Variants in CACNA1C observed in about 807,000 individuals in gnomAD.
The protein encoded by CACNA1C is calcium voltage-gated channel subunit alpha1 C, also known as voltage-dependent L-type calcium channel subunit alpha-1C.
CACNA1C carries 30 observed loss-of-function variants against 229.0 expected under a neutral mutation model. That is an observed-to-expected ratio of 0.13 (90% CI 0.10 to 0.18). The LOEUF (loss-of-function observed/expected upper bound fraction) is 0.18, where lower values mean the gene tolerates loss of function less well. Among genes scored for constraint, CACNA1C ranks in the 10% least tolerant of loss-of-function variants. The pLI is 1.00. For synonymous variants in CACNA1C, 1,114 were observed against 1,132.5 expected, an observed-to-expected ratio of 0.98 and a Z score of 0.33; for missense variants, 1,658 against 2,845.0, an observed-to-expected ratio of 0.58 and a Z score of 9.49.
Position 2,602,017 on chromosome 12 carries a change from G to A in CACNA1C, c.2960+57G>A. ...CATGCAGCTAGCAAGGGGTGCCAGA[G>A]AGGACAACCAGACCCTGGAGGGCCT... On this transcript the variant is annotated intron_variant, in intron 22 of 46. Coordinates refer to ENST00000399655, the MANE Select transcript of CACNA1C (RefSeq NM_000719.7). This position sits in a 1 kb window ranked among gnomAD's most constrained non-coding sequence, Gnocchi z 4.4. The A allele has an allele frequency of 8.4e-7, 1 of 1,190,790 alleles. No individual in the cohort carries two copies. Among genetic ancestry groups the A allele is most frequent in the Non-Finnish European group, 1.3e-6 (1 of 794,950 alleles). 73.8% of individuals were successfully genotyped at this position (1,190,790 alleles called of 1,614,324 possible). A position where few individuals can be genotyped will look rare whatever the true frequency, so the allele number is the denominator to read the frequency against.
intron 26 of CACNA1C, among the ~76,000 whole-genome samples, chr12:2,607,634 C>T (rs949557211): frequency 7.2e-5 from 11 of 152,356 alleles, no homozygotes; most frequent in Admixed American, 7.2e-4. Context: ...AAGCCCGGGC[C>T]CCACTTCCTC....
rs2047913114 is a variant in CACNA1C, at chr12:2,029,684, G to A, written c.139+58483G>A. On this transcript the variant is annotated intron_variant, in intron 1 of 46. Coordinates refer to the CACNA1C transcript ENST00000682462. This position sits in a 1 kb window ranked among gnomAD's most constrained non-coding sequence, Gnocchi z 4.9. ...TGTCTCTCACCACTCCCGAAGTGAG[G>A]CTAACTGACTGTGACACAGTTTTCT... is the stretch of plus-strand genomic sequence containing the variant. Among the ~76,000 whole-genome samples the A allele has an allele frequency of 6.6e-6, 1 of 152,192 alleles. No individual in the cohort carries two copies. The highest frequency in any genetic ancestry group is 1.5e-5 in the Non-Finnish European group (1 of 68,038).
At chr12:2,455,971 CT>C (rs1323088711) in intron 4 of CACNA1C, among the ~76,000 whole-genome samples, 6 of 152,186 alleles carry the variant, frequency 3.9e-5, no homozygotes, top group Non-Finnish European at 8.8e-5. Context: ...TAAATATGAA[CT>C]ATACAACTGC....
intron 34 of CACNA1C, among the ~76,000 whole-genome samples, chr12:2,658,714 A>G (rs745563442): frequency 4.6e-5 from 7 of 152,298 alleles, no homozygotes; most frequent in Non-Finnish European, 7.3e-5. Flanking sequence ...AGGAGATGAC[A>G]GCTCCATGCA....
chr12:2,322,717 C>T (rs1370343727), intron 3 of CACNA1C, among the ~76,000 whole-genome samples: 5 of 152,216 alleles, frequency 3.3e-5, no homozygotes, highest in Admixed American at 1.3e-4. Context: ...CCGCGTTGCA[C>T]GGCAGTTATG....
At position 2,215,409 on chromosome 12, in the gene CACNA1C, C is replaced by A. The variant is rs1487530286; in HGVS notation, c.477+94979C>A. 6.6e-6 allele frequency among the ~76,000 whole-genome samples: 1 copy of A among 151,994 alleles called. No individual in the cohort carries two copies. The highest frequency in any genetic ancestry group is 2.4e-5 in the African/African-American group (1 of 41,366). On this transcript the variant is annotated intron_variant, in intron 3 of 46. Transcript: ENST00000399655. The surrounding 1 kb of genome is among the most constrained non-coding windows in gnomAD (Gnocchi z 5.0). Reference sequence around the variant, plus strand: ...GCAGGGCCCAGCATGCCTGTGAGGGCAAAAGGGTTCTGAGTGGGGCCTGTT... The same window carrying A: ...GCAGGGCCCAGCATGCCTGTGAGGGAAAAAGGGTTCTGAGTGGGGCCTGTT...
chr12:2,016,239 A>C (rs188959559), intron 1 of CACNA1C, among the ~76,000 whole-genome samples: 29 of 152,296 alleles, frequency 1.9e-4, no homozygotes, highest in African/African-American at 6.7e-4. Context: ...ATTAGGTGCC[A>C]AGTACTTATC....
chr12:2,553,612 C>T (rs551141634), intron 10 of CACNA1C, among the ~76,000 whole-genome samples: 1 of 152,344 alleles, frequency 6.6e-6, no homozygotes, highest in Non-Finnish European at 1.5e-5. Flanking sequence ...GACTCTGAAG[C>T]CTGAGAGCAC....
chr12:2,104,071 G>A (rs1256448801), intron 1 of CACNA1C, among the ~76,000 whole-genome samples: 1 of 152,096 alleles, frequency 6.6e-6, no homozygotes, highest in Non-Finnish European at 1.5e-5. Flanking sequence ...CTCTTTTTTG[G>A]TTCCATATGA....
intron 1 of CACNA1C, chr12:2,004,189 C>T (rs1355116670): frequency 6.5e-7 from 1 of 1,549,618 alleles, no homozygotes; most frequent in South Asian, 1.2e-5. Context: ...GTCAACGTCT[C>T]CTCCCCCTCA....
intron 39 of CACNA1C, among the ~76,000 whole-genome samples, chr12:2,675,494 T>C (rs1280189096): frequency 1.3e-5 from 2 of 152,174 alleles, no homozygotes; most frequent in Admixed American, 1.3e-4. Context: ...TACTTACACA[T>C]ATGCAGAACA....
In CACNA1C at chr12:2,504,832, G is replaced by A. The variant is rs371725005; in HGVS notation, c.1114-10G>A. On this transcript the variant is annotated splice_polypyrimidine_tract_variant and intron_variant, in intron 7 of 46. Transcript: ENST00000399655. This position sits in a 1 kb window ranked among gnomAD's most constrained non-coding sequence, Gnocchi z 6.8. ...AGTGTGCCTCACTAACTATCATTCC[G>A]TTCTTCCAGGTCAATGATGCCGTAG... The A allele has an allele frequency of 6.1e-5, 91 of 1,493,694 alleles. No individual in the cohort carries two copies. The highest frequency in any genetic ancestry group is 1.4e-4 in the South Asian group (12 of 88,248). The allele number at this position is 1,493,694 out of a possible 1,614,324, so 92.5% of individuals were successfully genotyped here.
Position 2,665,778 on chromosome 12 carries a change from G to T in CACNA1C, c.4526+70G>T. 6.7e-7 allele frequency: 1 copy of T among 1,503,038 alleles called. No individual in the cohort carries two copies. The highest frequency in any genetic ancestry group is 2.4e-5 in the East Asian group (1 of 41,884). The allele number at this position is 1,503,038 out of a possible 1,614,324, so 93.1% of individuals were successfully genotyped here. A position where few individuals can be genotyped will look rare whatever the true frequency, so the allele number is the denominator to read the frequency against. On this transcript the variant is annotated intron_variant, in intron 36 of 46. Transcript: ENST00000399655. This position sits in a 1 kb window ranked among gnomAD's most constrained non-coding sequence, Gnocchi z 5.9. ...GTATAGCTGACCATACCTGCAGGAG[G>T]GGCTCAAGGTTGGCCAACACTGGGT...
intron 3 of CACNA1C, among the ~76,000 whole-genome samples, chr12:2,259,929 G>A (rs1310566542): frequency 3.9e-5 from 6 of 152,042 alleles, no homozygotes; most frequent in African/African-American, 1.4e-4. Context: ...GAAAGCACTA[G>A]TAATAGCTTT....
chr12:2,176,251 C>T (rs1021883139), intron 3 of CACNA1C, among the ~76,000 whole-genome samples: 3 of 151,898 alleles, frequency 2.0e-5, no homozygotes, highest in South Asian at 2.1e-4. Flanking sequence ...GGCTGGAGTG[C>T]GTGAGGTAGG....
Position 1,971,155 on chromosome 12 carries a change from T to C in CACNA1C, c.93T>C (p.Thr31=), listed in dbSNP as rs1244791078. The stretch of plus-strand genomic sequence containing the variant: ...ACACGGAGGTCAAGTTTAAGGGTAC[T>C]TTGGTGCATGAAGCTCAACTCAACT... Residue 31 remains threonine, a synonymous_variant, in exon 1 of 47, where the codon ACT becomes ACC. Coordinates refer to the CACNA1C transcript ENST00000682462. The surrounding 1 kb of genome is among the most constrained non-coding windows in gnomAD (Gnocchi z 4.2). 7.8e-7 allele frequency: 1 copy of C among 1,289,358 alleles called. No individual in the cohort carries two copies. The highest frequency in any genetic ancestry group is 1.0e-6 in the Non-Finnish European group (1 of 988,456). The allele number at this position is 1,289,358 out of a possible 1,614,324, so 79.9% of individuals were successfully genotyped here.
At chr12:2,260,506 AAGAAAGAGAC>A (rs888124952) in intron 3 of CACNA1C, among the ~76,000 whole-genome samples, 2 of 151,412 alleles carry the variant, frequency 1.3e-5, no homozygotes, top group African/African-American at 4.9e-5. Context: ...GAACAAGAAG[AAGAAAGAGAC>A]AGAAAGAAAA....
chr12:2,309,731 CA>C (rs1029261534), intron 3 of CACNA1C, among the ~76,000 whole-genome samples: 2 of 152,210 alleles, frequency 1.3e-5, no homozygotes, highest in Non-Finnish European at 2.9e-5. Flanking sequence ...CATCGCCTTG[CA>C]GGGGGCATTG....
intron 3 of CACNA1C, among the ~76,000 whole-genome samples, chr12:2,143,609 T>G (rs11062130): frequency 0.041 from 6,210 of 151,388 alleles, 431 homozygotes; most frequent in African/African-American, 0.13. Flanking sequence ...GCATACAGTC[T>G]GCGTGTGTCG....
Sources: allele counts gnomAD v4.1 joint callset (sites outside exome capture counted in the v4.1 genomes callset), GRCh38; gene constraint gnomAD v4.1.1; non-coding constraint Gnocchi (gnomAD v3.1); transcripts MANE v1.5; gene names NCBI Gene and HGNC (gene_info 2026-07-23, HGNC 2026-07-21).